Variants in SAMD12 observed in about 807,000 individuals in gnomAD.
The protein encoded by SAMD12 is sterile alpha motif domain containing 12.
Under a neutral mutation model 15.0 loss-of-function variants are expected in SAMD12, and 9 were observed. The ratio of observed to expected loss-of-function variants is 0.60; its 90% CI spans 0.36 to 1.05. SAMD12 has a LOEUF of 1.05. Among genes scored for constraint, SAMD12 ranks in the 50% least tolerant of loss-of-function variants. The probability of loss-of-function intolerance (pLI) is 0.01; values close to 1 mark genes in which losing one functional copy is unlikely to be tolerated. For missense variants in SAMD12, 230 were observed against 234.2 expected (o/e 0.98, Z 0.12); for synonymous variants, 86 against 90.1 (o/e 0.96, Z 0.25).
chr8:118,568,338 A>G (rs1193792431), intron 2 of SAMD12, among the ~76,000 whole-genome samples: 2 of 152,226 alleles, frequency 1.3e-5, no homozygotes, highest in Non-Finnish European at 2.9e-5. Flanking sequence ...AGCAATGAGC[A>G]TAGAAAAGCC....
chr8:118,254,764 C>T (rs143055437), intron 4 of SAMD12, among the ~76,000 whole-genome samples: 39 of 152,176 alleles, frequency 2.6e-4, no homozygotes, highest in Admixed American at 2.0e-3. Context: ...CCTCCTTGAT[C>T]TCCTTGGCCT....
intron 3 of SAMD12, among the ~76,000 whole-genome samples, chr8:118,423,156 T>C (rs1822079587): frequency 6.6e-6 from 1 of 152,152 alleles, no homozygotes; most frequent in South Asian, 2.1e-4. Context: ...TCACGTCTCA[T>C]TAAAGGGTAT....
At chr8:118,141,688 C>T in the SAMD12 span, among the ~76,000 whole-genome samples, 1 of 152,218 alleles carries the variant, frequency 6.6e-6, no homozygotes, top group African/African-American at 2.4e-5. Context: ...TTAGTTCTGA[C>T]TCAGTGAGTA....
the SAMD12 span, among the ~76,000 whole-genome samples, chr8:118,170,870 G>A: frequency 8.5e-5 from 13 of 152,086 alleles, no homozygotes; most frequent in East Asian, 9.6e-4. Flanking sequence ...AAATGATAAC[G>A]TCAAAAAATG....
chr8:118,284,534 C>T, intron 4 of SAMD12: 1 of 343,832 alleles, frequency 2.9e-6, no homozygotes, highest in East Asian at 7.9e-5. Flanking sequence ...AACATCAAGA[C>T]TGACTGGAAA....
At chr8:118,323,251 G>T (rs953322343) in intron 4 of SAMD12, among the ~76,000 whole-genome samples, 1 of 152,150 alleles carries the variant, frequency 6.6e-6, no homozygotes, top group African/African-American at 2.4e-5. Flanking sequence ...GCTAGTGTTT[G>T]TTTAACAAAT....
At chr8:118,299,252 A>G (rs148601484) in intron 4 of SAMD12, among the ~76,000 whole-genome samples, 10 of 152,326 alleles carry the variant, frequency 6.6e-5, no homozygotes, top group East Asian at 5.8e-4. Flanking sequence ...CAAGTAGGCT[A>G]GTGGTCACAT....
At chr8:118,176,034 G>A in the SAMD12 span, among the ~76,000 whole-genome samples, 22 of 152,186 alleles carry the variant, frequency 1.4e-4, no homozygotes, top group Non-Finnish European at 3.2e-4. Flanking sequence ...AGGCGTGGTG[G>A]CTCACGCCTG....
intron 4 of SAMD12, among the ~76,000 whole-genome samples, chr8:118,273,074 C>T (rs1813404676): frequency 1.3e-5 from 2 of 152,122 alleles, no homozygotes; most frequent in African/African-American, 2.4e-5. Flanking sequence ...TGTTCTCATG[C>T]TGCTAATAAA....
intron 2 of SAMD12, among the ~76,000 whole-genome samples, chr8:118,448,969 T>A (rs1317054840): frequency 6.6e-6 from 1 of 152,212 alleles, no homozygotes; most frequent in African/African-American, 2.4e-5. Flanking sequence ...AAGTGTATCT[T>A]AATATCTCCT....
At chr8:118,484,536 TA>T (rs1824223950) in intron 2 of SAMD12, among the ~76,000 whole-genome samples, 1 of 152,228 alleles carries the variant, frequency 6.6e-6, no homozygotes, top group African/African-American at 2.4e-5. Flanking sequence ...ATATTCTGTA[TA>T]TTCTTATCTC....
At chr8:118,522,222 AAGAG>A (rs368931801) in intron 2 of SAMD12, among the ~76,000 whole-genome samples, 27 of 151,672 alleles carry the variant, frequency 1.8e-4, no homozygotes, top group African/African-American at 6.5e-4. Flanking sequence ...ACACGATAAA[AAGAG>A]AGAAATCAAA....
At chr8:118,208,412 T>C (rs1468884546) in intron 4 of SAMD12, among the ~76,000 whole-genome samples, 2 of 152,252 alleles carry the variant, frequency 1.3e-5, no homozygotes, top group Non-Finnish European at 2.9e-5. Context: ...CCTGGGTATC[T>C]TGTTAAAATG....
At chr8:118,244,932 C>CGTCT (rs1474322580) in intron 4 of SAMD12, among the ~76,000 whole-genome samples, 1 of 152,128 alleles carries the variant, frequency 6.6e-6, no homozygotes, top group Non-Finnish European at 1.5e-5. Flanking sequence ...GGTCTACAGA[C>CGTCT]AACTTCTCTT....
rs533504429 is a variant in SAMD12 at position 118,444,877 on chromosome 8, A to C, written c.193-4916T>G. Among the ~76,000 whole-genome samples, 200 of 152,334 alleles carry C rather than the reference A, an allele frequency of 1.3e-3. 1 individual carries two copies. Among genetic ancestry groups the C allele is most frequent in the African/African-American group, 4.4e-3 (185 of 41,592 alleles). On this transcript the variant is annotated intron_variant, in intron 2 of 3. Transcript: ENST00000314727. The stretch of plus-strand genomic sequence containing the variant: ...GAGAACACTGCAATTGTAAGATCCC[A>C]ATGGTTGTACAAACTCTTAACTAGG...
chr8:118,458,775 A>G (rs1823330010), intron 2 of SAMD12, among the ~76,000 whole-genome samples: 1 of 152,178 alleles, frequency 6.6e-6, no homozygotes, highest in South Asian at 2.1e-4. Flanking sequence ...TCTACTTATC[A>G]AATGTATTTT....
chr8:118,346,283 G>C (rs922271986), intron 4 of SAMD12, among the ~76,000 whole-genome samples: 1 of 152,148 alleles, frequency 6.6e-6, no homozygotes, highest in Admixed American at 6.5e-5. Flanking sequence ...ATCTAAAAAT[G>C]GAAGAACATA....
chr8:118,151,145 A>G, the SAMD12 span, among the ~76,000 whole-genome samples: 39 of 152,116 alleles, frequency 2.6e-4, no homozygotes, highest in African/African-American at 8.9e-4. Context: ...GAAATCTGTT[A>G]TCACCCTTAT....
intron 1 of SAMD12, among the ~76,000 whole-genome samples, chr8:118,601,283 T>TG (rs1827860198): frequency 6.6e-6 from 1 of 152,216 alleles, no homozygotes; most frequent in South Asian, 2.1e-4. Context: ...TTTCTAATTG[T>TG]ATCTTACTCT....
Sources: allele counts gnomAD v4.1 joint callset (sites outside exome capture counted in the v4.1 genomes callset), GRCh38; gene constraint gnomAD v4.1.1; transcripts MANE v1.5; gene names NCBI Gene and HGNC (gene_info 2026-07-23, HGNC 2026-07-21).